Variants in VTI1A observed in about 807,000 individuals in gnomAD.
The protein encoded by VTI1A is vesicle transport through interaction with t-SNAREs homolog 1A.
A neutral mutation model predicts 34.9 loss-of-function variants in VTI1A; 22 were observed. That is an observed-to-expected ratio of 0.63 (90% CI 0.45 to 0.90). The LOEUF is 0.90. Among genes scored for constraint, VTI1A ranks in the 40% least tolerant of loss-of-function variants. VTI1A has a pLI of 0.00. For synonymous variants in VTI1A, 87 were observed against 97.3 expected, an observed-to-expected ratio of 0.89 and a Z score of 0.62; for missense variants, 268 against 275.6, an observed-to-expected ratio of 0.97 and a Z score of 0.20.
intron 5 of VTI1A, among the ~76,000 whole-genome samples, chr10:112,656,076 T>G (rs961479988): frequency 6.6e-5 from 10 of 151,140 alleles, no homozygotes; most frequent in African/African-American, 2.5e-4. Flanking sequence ...TTACCATTTG[T>G]CAAGTTTCTG....
At chr10:112,747,310 T>C (rs994367722) in intron 7 of VTI1A, among the ~76,000 whole-genome samples, 9 of 152,350 alleles carry the variant, frequency 5.9e-5, no homozygotes, top group Non-Finnish European at 1.0e-4. Context: ...CGGGGATACG[T>C]TCTGAGAGTT....
In VTI1A at chr10:112,460,521, C is replaced by T. The variant is rs1240457566; in HGVS notation, c.95-3C>T. ...AATTTCTTGGTATTATTGTTTGTTT[C>T]AGATGAAAAGAAACAGATGGTTGCA... On this transcript the variant is annotated splice_region_variant and splice_polypyrimidine_tract_variant and intron_variant, in intron 1 of 7. Transcript: ENST00000393077. The T allele has an allele frequency of 6.2e-7, 1 of 1,604,608 alleles. No individual in the cohort carries two copies.
intron 7 of VTI1A, among the ~76,000 whole-genome samples, chr10:112,801,883 G>A (rs1590197663): frequency 6.6e-6 from 1 of 152,230 alleles, no homozygotes; most frequent in African/African-American, 2.4e-5. Flanking sequence ...GTAATGTACT[G>A]TGTATTTACA....
At chr10:112,648,088 A>C (rs1340916721) in intron 5 of VTI1A, among the ~76,000 whole-genome samples, 2 of 152,194 alleles carry the variant, frequency 1.3e-5, no homozygotes, top group Admixed American at 6.5e-5. Context: ...TTTTAAAGAG[A>C]ACATTGAGAT....
At chr10:112,690,178 G>A (rs1324572871) in intron 7 of VTI1A, among the ~76,000 whole-genome samples, 1 of 152,192 alleles carries the variant, frequency 6.6e-6, no homozygotes, top group Non-Finnish European at 1.5e-5. Flanking sequence ...GAATGTGTAA[G>A]TTGCTTCCAG....
chr10:112,451,769 G>A (rs1032071111), intron 1 of VTI1A, among the ~76,000 whole-genome samples: 1 of 152,182 alleles, frequency 6.6e-6, no homozygotes, highest in Non-Finnish European at 1.5e-5. Context: ...TTTGCAAGGT[G>A]GTTGCAGTGA....
intron 5 of VTI1A, among the ~76,000 whole-genome samples, chr10:112,637,996 G>A (rs906318840): frequency 1.3e-5 from 2 of 152,312 alleles, no homozygotes; most frequent in South Asian, 2.1e-4. Flanking sequence ...ACCCCTTATA[G>A]TCTCTACATA....
chr10:112,840,379 C>T, the VTI1A span, among the ~76,000 whole-genome samples: 3 of 152,192 alleles, frequency 2.0e-5, no homozygotes, highest in Non-Finnish European at 4.4e-5. Context: ...AGCCTCCACT[C>T]AGGGCACACC....
At chr10:112,746,093 G>A (rs1850884513) in intron 7 of VTI1A, among the ~76,000 whole-genome samples, 1 of 152,170 alleles carries the variant, frequency 6.6e-6, no homozygotes, top group South Asian at 2.1e-4. Flanking sequence ...AAACAGGTTT[G>A]CTGTGTTCTT....
Position 112,767,176 on chromosome 10 carries a change from G to C in VTI1A, c.561-48114G>C, listed in dbSNP as rs1238755627. On this transcript the variant is annotated intron_variant, in intron 7 of 7. Transcript: ENST00000393077. The surrounding 1 kb of genome is among the most constrained non-coding windows in gnomAD (Gnocchi z 4.0). ...GCTAGCATTTATTGAGTGCCTTACT[G>C]TGTGTCAGGTACTGTGCTAAGCTCT... 6.6e-6 allele frequency among the ~76,000 whole-genome samples: 1 copy of C among 152,206 alleles called. No individual in the cohort carries two copies. The highest frequency in any genetic ancestry group is 2.4e-5 in the African/African-American group (1 of 41,458).
At chr10:112,548,079 C>T (rs899858010) in intron 5 of VTI1A, among the ~76,000 whole-genome samples, 1 of 152,050 alleles carries the variant, frequency 6.6e-6, no homozygotes, top group African/African-American at 2.4e-5. Context: ...TGTTTGTTTC[C>T]AAGTCTTGAC....
At chr10:112,807,485 CT>C (rs1853127445) in intron 7 of VTI1A, among the ~76,000 whole-genome samples, 1 of 152,168 alleles carries the variant, frequency 6.6e-6, no homozygotes, top group African/African-American at 2.4e-5. Context: ...TCACGTGCCC[CT>C]CTTTGTCCTC....
intron 7 of VTI1A, chr10:112,737,512 A>T: frequency 2.9e-6 from 3 of 1,050,802 alleles, no homozygotes; most frequent in Non-Finnish European, 3.4e-6. Context: ...GATGCCTTAG[A>T]CGGGGTGTGC....
intron 1 of VTI1A, among the ~76,000 whole-genome samples, chr10:112,452,213 T>C (rs949179376): frequency 2.0e-5 from 3 of 152,166 alleles, no homozygotes; most frequent in African/African-American, 4.8e-5. Flanking sequence ...GCTTTTTCAA[T>C]TGAGCATACA....
intron 7 of VTI1A, among the ~76,000 whole-genome samples, chr10:112,733,361 A>G (rs1440486171): frequency 6.6e-6 from 1 of 152,050 alleles, no homozygotes; most frequent in East Asian, 1.9e-4. Flanking sequence ...CCAAAAGGCA[A>G]CCCCATGCCC....
chr10:112,578,915 T>C lies in VTI1A; in HGVS notation c.427+40585T>C, dbSNP rs116122276. Among the ~76,000 whole-genome samples the C allele has an allele frequency of 5.5e-3, 845 of 152,366 alleles. 8 individuals carry two copies. Among genetic ancestry groups the C allele is most frequent in the African/African-American group, 0.019 (803 of 41,596 alleles). The stretch of plus-strand genomic sequence containing the variant: ...GCAACAGTGGTGATATACTTGTCAT[T>C]GTCAGCACATGAGCCAACTTGCTTG... On this transcript the variant is annotated intron_variant, in intron 5 of 7. Coordinates refer to ENST00000393077, the MANE Select transcript of VTI1A (RefSeq NM_145206.4).
chr10:112,627,815 A>G (rs531600864), intron 5 of VTI1A, among the ~76,000 whole-genome samples: 1 of 152,294 alleles, frequency 6.6e-6, no homozygotes, highest in African/African-American at 2.4e-5. Flanking sequence ...GACAGGCAAT[A>G]TATCAATAAA....
intron 5 of VTI1A, among the ~76,000 whole-genome samples, chr10:112,552,862 A>G (rs1205410176): frequency 1.4e-4 from 21 of 152,172 alleles, no homozygotes; most frequent in Admixed American, 1.3e-3. Context: ...TCTTTTGTTA[A>G]CTGTAAACCT....
chr10:112,520,897 T>C (rs1438122181), intron 3 of VTI1A, among the ~76,000 whole-genome samples: 1 of 152,024 alleles, frequency 6.6e-6, no homozygotes, highest in Non-Finnish European at 1.5e-5. Flanking sequence ...TAATTTTTTT[T>C]CTGGTGTTGC....
Sources: gnomAD v4.1 joint callset for allele counts (sites outside exome capture counted in the v4.1 genomes callset) on GRCh38, gnomAD v4.1.1 for gene constraint, Gnocchi (gnomAD v3.1) non-coding constraint, MANE v1.5 for transcripts, NCBI Gene and HGNC (gene_info 2026-07-23, HGNC 2026-07-21) for gene names.